The following DCC variants were observed in gnomAD, a reference collection of about 807,000 sequenced individuals.
DCC encodes the protein DCC netrin 1 receptor, also known as netrin receptor DCC.
Under a neutral mutation model 172.5 loss-of-function variants are expected in DCC, and 58 were observed. The ratio of observed to expected loss-of-function variants is 0.34; its 90% CI spans 0.27 to 0.42. The LOEUF is 0.42. DCC is among the 10% of genes least tolerant of loss of function. The pLI is 1.00. For missense variants in DCC, 1,740 were observed against 1,791.0 expected (o/e 0.97, Z 0.51); for synonymous variants, 709 against 644.5 (o/e 1.10, Z -1.52).
intron 12 of DCC, among the ~76,000 whole-genome samples, chr18:53,291,335 C>T (rs566774476): frequency 3.9e-5 from 6 of 151,996 alleles, no homozygotes; most frequent in Admixed American, 3.9e-4. Context: ...TAATACCTTG[C>T]GATCTCAGTG....
At chr18:52,864,057 T>C (rs896412577) in intron 2 of DCC, among the ~76,000 whole-genome samples, 3 of 152,158 alleles carry the variant, frequency 2.0e-5, no homozygotes, top group Non-Finnish European at 4.4e-5. Flanking sequence ...AATATACAAA[T>C]AGACATGTAT....
chr18:52,434,936 G>A (rs1360904275), intron 1 of DCC, among the ~76,000 whole-genome samples: 5 of 152,148 alleles, frequency 3.3e-5, no homozygotes, highest in Admixed American at 2.6e-4. Flanking sequence ...ATGTCCTGTA[G>A]ATTGCAATGT....
chr18:53,164,004 G>A (rs982205939), intron 8 of DCC, among the ~76,000 whole-genome samples: 2 of 152,170 alleles, frequency 1.3e-5, no homozygotes, highest in African/African-American at 4.8e-5. Context: ...CCATTATACA[G>A]CTAGTAAGTA....
At chr18:52,905,315 A>G (rs2039864877) in intron 2 of DCC, among the ~76,000 whole-genome samples, 2 of 152,202 alleles carry the variant, frequency 1.3e-5, no homozygotes, top group Non-Finnish European at 2.9e-5. Flanking sequence ...TGACTATGTG[A>G]ATTAGATATT....
intron 5 of DCC, among the ~76,000 whole-genome samples, chr18:53,000,865 A>C (rs2143842253): frequency 6.6e-6 from 1 of 152,140 alleles, no homozygotes; most frequent in South Asian, 2.1e-4. Flanking sequence ...TTATATTAAA[A>C]ACAAGGTAAG....
At chr18:52,730,537 G>A (rs1408993758) in intron 1 of DCC, among the ~76,000 whole-genome samples, 1 of 152,148 alleles carries the variant, frequency 6.6e-6, no homozygotes, top group Non-Finnish European at 1.5e-5. Context: ...GCAGATGTTT[G>A]TAAATCCTGG....
At chr18:52,842,369 G>A (rs1433828786) in intron 2 of DCC, among the ~76,000 whole-genome samples, 4 of 152,178 alleles carry the variant, frequency 2.6e-5, no homozygotes, top group Admixed American at 2.0e-4. Flanking sequence ...TATTCATTTA[G>A]TCTGAAGGCC....
chr18:52,665,701 A>G (rs1266666359), intron 1 of DCC, among the ~76,000 whole-genome samples: 1 of 152,226 alleles, frequency 6.6e-6, no homozygotes, highest in East Asian at 1.9e-4. Flanking sequence ...TTTACTACCG[A>G]CTTTAAGTTT....
chr18:53,450,754 A>T, intron 23 of DCC, 92 bp downstream of exon 23: 1 of 1,071,930 alleles, frequency 9.3e-7, no homozygotes, highest in Non-Finnish European at 1.4e-6. Flanking sequence ...TTCATAATTC[A>T]CCCCATGTCC....
intron 11 of DCC, among the ~76,000 whole-genome samples, chr18:53,208,240 A>C (rs1311023477): frequency 6.6e-6 from 1 of 151,456 alleles, no homozygotes; most frequent in Non-Finnish European, 1.5e-5. Context: ...GTTCTACTGC[A>C]CTCCAGCCTG....
At chr18:53,151,856 AT>A (rs2054646379) in intron 7 of DCC, among the ~76,000 whole-genome samples, 1 of 152,156 alleles carries the variant, frequency 6.6e-6, no homozygotes, top group Admixed American at 6.5e-5. Flanking sequence ...TTAAGTTTTA[AT>A]TATACACAAC....
intron 12 of DCC, among the ~76,000 whole-genome samples, chr18:53,259,694 G>A (rs1308458352): frequency 6.6e-6 from 1 of 152,106 alleles, no homozygotes; most frequent in Non-Finnish European, 1.5e-5. Context: ...GTGTCTTGGA[G>A]TTGCTCCTCT....
At chr18:52,844,795 G>T (rs2038859909) in intron 2 of DCC, among the ~76,000 whole-genome samples, 1 of 152,152 alleles carries the variant, frequency 6.6e-6, no homozygotes, top group African/African-American at 2.4e-5. Flanking sequence ...GAAAGGTAGG[G>T]CTTCCTCTTT....
intron 15 of DCC, among the ~76,000 whole-genome samples, chr18:53,345,441 T>G (rs550448169): frequency 5.7e-4 from 87 of 152,302 alleles, no homozygotes; most frequent in African/African-American, 2.0e-3. Flanking sequence ...TACATGTACA[T>G]GCATTGAAAA....
At chr18:53,381,433 A>G (rs534156479) in intron 15 of DCC, among the ~76,000 whole-genome samples, 3 of 152,132 alleles carry the variant, frequency 2.0e-5, no homozygotes, top group Admixed American at 1.3e-4. Context: ...CTGATTAGGA[A>G]GTCAAAGGCT....
chr18:52,937,758 G>T (rs190298553), intron 5 of DCC, among the ~76,000 whole-genome samples: 5 of 152,236 alleles, frequency 3.3e-5, no homozygotes, highest in Admixed American at 3.3e-4. Flanking sequence ...TGGGATTACA[G>T]GCATGAGTTA....
At chr18:52,526,724 C>G (rs2031992395) in intron 1 of DCC, among the ~76,000 whole-genome samples, 2 of 152,200 alleles carry the variant, frequency 1.3e-5, no homozygotes, top group East Asian at 3.9e-4. Flanking sequence ...AGCTGAATAA[C>G]TACAGAAGGA....
At chr18:52,437,510 A>G (rs1045825543) in intron 1 of DCC, among the ~76,000 whole-genome samples, 13 of 152,338 alleles carry the variant, frequency 8.5e-5, no homozygotes, top group African/African-American at 2.9e-4. Flanking sequence ...AGAGAGACAG[A>G]TGTCCTCAAA....
chr18:53,038,233 A>G (rs922212869), intron 5 of DCC, among the ~76,000 whole-genome samples: 2 of 152,010 alleles, frequency 1.3e-5, no homozygotes, highest in Non-Finnish European at 2.9e-5. Context: ...ATTCTGTTTG[A>G]TATTTGATAC....
Sources: gnomAD v4.1 joint callset for allele counts (sites outside exome capture counted in the v4.1 genomes callset) on GRCh38, gnomAD v4.1.1 for gene constraint, MANE v1.5 for transcripts, NCBI Gene and HGNC (gene_info 2026-07-23, HGNC 2026-07-21) for gene names.